The following MICU1 variants were observed in gnomAD, a reference collection of about 807,000 sequenced individuals.
The protein encoded by MICU1 is calcium uptake protein 1, mitochondrial.
In MICU1, 45 loss-of-function variants were observed where a neutral mutation model predicts 56.8. That is an observed-to-expected ratio of 0.79 (90% CI 0.62 to 1.02). MICU1 has a LOEUF of 1.02. Among genes scored for constraint, MICU1 ranks in the 50% least tolerant of loss-of-function variants. MICU1 has a pLI of 0.00. For missense variants in MICU1, 504 were observed against 587.1 expected (o/e 0.86, Z 1.46); for synonymous variants, 186 against 195.1 (o/e 0.95, Z 0.39).
At chr10:72,509,112 G>C (rs1044868732) in intron 5 of MICU1, among the ~76,000 whole-genome samples, 3 of 152,040 alleles carry the variant, frequency 2.0e-5, no homozygotes, top group African/African-American at 4.8e-5. Flanking sequence ...ACTTAGTTGT[G>C]ACATTGAATA....
intron 1 of MICU1, among the ~76,000 whole-genome samples, chr10:72,567,157 T>C (rs926801332): frequency 3.9e-5 from 6 of 151,986 alleles, no homozygotes; most frequent in Admixed American, 3.9e-4. Context: ...AAGAACGGCC[T>C]GGACAACATA....
At chr10:72,590,735 C>A (rs1457080083) in intron 1 of MICU1, among the ~76,000 whole-genome samples, 1 of 151,968 alleles carries the variant, frequency 6.6e-6, no homozygotes, top group Admixed American at 6.6e-5. Flanking sequence ...ATTGCTTGAA[C>A]CCGGGAGGCG....
intron 8 of MICU1, among the ~76,000 whole-genome samples, chr10:72,437,487 T>A (rs1302156063): frequency 6.6e-6 from 1 of 152,162 alleles, no homozygotes; most frequent in Non-Finnish European, 1.5e-5. Context: ...AACTGCATAA[T>A]TTAATAGGCA....
At chr10:72,441,663 C>T (rs1864938792) in intron 8 of MICU1, among the ~76,000 whole-genome samples, 1 of 130,260 alleles carries the variant, frequency 7.7e-6, no homozygotes, top group Non-Finnish European at 1.6e-5. Context: ...GTTGCCCAGG[C>T]TGGAGTGCAG....
intron 10 of MICU1, among the ~76,000 whole-genome samples, chr10:72,398,564 A>G (rs191332782): frequency 3.3e-5 from 5 of 152,318 alleles, no homozygotes; most frequent in Admixed American, 3.3e-4. Flanking sequence ...ATAAAGAAGA[A>G]AAGAGAGAAG....
At chr10:72,458,921 A>C (rs1354033635) in intron 8 of MICU1, among the ~76,000 whole-genome samples, 1 of 134,722 alleles carries the variant, frequency 7.4e-6, no homozygotes, top group Non-Finnish European at 1.6e-5. Flanking sequence ...TAGAGACATT[A>C]TCTTCCTATG....
chr10:72,533,214 T>C, intron 5 of MICU1: 15 of 1,035,740 alleles, frequency 1.4e-5, no homozygotes, highest in Non-Finnish European at 1.8e-5. Context: ...AAACTGAAAG[T>C]CTCATTTTCT....
chr10:72,569,362 G>A (rs1037628450), intron 1 of MICU1, among the ~76,000 whole-genome samples: 1 of 149,668 alleles, frequency 6.7e-6, no homozygotes, highest in Non-Finnish European at 1.5e-5. Context: ...AGCCTCTTGA[G>A]TAGCTGGGAC....
chr10:72,569,055 G>A (rs1840522383), intron 1 of MICU1, among the ~76,000 whole-genome samples: 1 of 149,190 alleles, frequency 6.7e-6, no homozygotes, highest in South Asian at 2.1e-4. Context: ...CGCCTGGCTG[G>A]GAAGTTCTTA....
intron 1 of MICU1, among the ~76,000 whole-genome samples, chr10:72,610,899 T>A (rs532169052): frequency 6.6e-6 from 1 of 152,250 alleles, no homozygotes; most frequent in South Asian, 2.1e-4. Context: ...TCTATTTTAC[T>A]AGCCAAAGGA....
intron 3 of MICU1, 147 bp downstream of exon 3, chr10:72,562,748 T>C (rs1840331564): frequency 1.5e-6 from 1 of 647,344 alleles, no homozygotes; most frequent in Admixed American, 4.1e-5. Context: ...AAGAGTACTT[T>C]TGGCTTAGAA....
intron 1 of MICU1, among the ~76,000 whole-genome samples, chr10:72,598,545 C>T (rs972077384): frequency 1.3e-5 from 2 of 152,004 alleles, no homozygotes; most frequent in African/African-American, 2.4e-5. Flanking sequence ...TGTCAGCCAC[C>T]GTGCCGGGCC....
At chr10:72,567,888 G>A (rs1020747495) in intron 1 of MICU1, among the ~76,000 whole-genome samples, 14 of 152,226 alleles carry the variant, frequency 9.2e-5, no homozygotes, top group Admixed American at 2.6e-4. Context: ...AAAACTTCCA[G>A]TATCACAAAC....
chr10:72,553,544 T>C (rs991664490), intron 3 of MICU1, among the ~76,000 whole-genome samples: 1 of 152,194 alleles, frequency 6.6e-6, no homozygotes, highest in Non-Finnish European at 1.5e-5. Context: ...GAAATACCTT[T>C]CTTTAGGCCA....
intron 1 of MICU1, among the ~76,000 whole-genome samples, chr10:72,612,614 T>G (rs562760335): frequency 6.6e-6 from 1 of 152,032 alleles, no homozygotes; most frequent in Non-Finnish European, 1.5e-5. Flanking sequence ...CTGGGCAAGA[T>G]AGCAAGACCC....
At chr10:72,493,680 C>A (rs1259343852) in intron 6 of MICU1, among the ~76,000 whole-genome samples, 1 of 152,122 alleles carries the variant, frequency 6.6e-6, no homozygotes, top group Non-Finnish European at 1.5e-5. Flanking sequence ...CTTGATTGAA[C>A]TACTGGGCTC....
rs1233173600 is a variant in MICU1 at position 72,368,083 on chromosome 10, CG to C, written c.*111del. The C allele has an allele frequency of 1.5e-5, 18 of 1,178,828 alleles. No individual in the cohort carries two copies. In the African/African-American group the frequency reaches 2.6e-4, roughly 17 times the overall value. The allele number at this position is 1,178,828 out of a possible 1,614,324, so 73.0% of individuals were successfully genotyped here. A position where few individuals can be genotyped will look rare whatever the true frequency, so the allele number is the denominator to read the frequency against. The stretch of plus-strand genomic sequence containing the variant: ...AACCGACAGAGTCCTGAGGTCATCC[CG>C]GGAGGAAGGGGGACTACTTCCAGAA... On this transcript the variant is annotated 3_prime_UTR_variant, in exon 12 of 12. Coordinates refer to ENST00000361114, the MANE Select transcript of MICU1 (RefSeq NM_001195518.2).
At chr10:72,457,478 T>C (rs1203477552) in intron 8 of MICU1, among the ~76,000 whole-genome samples, 1 of 151,492 alleles carries the variant, frequency 6.6e-6, no homozygotes, top group Non-Finnish European at 1.5e-5. Flanking sequence ...CACCCTGGCC[T>C]CCCAAAGTGC....
At chr10:72,514,163 CT>C in intron 5 of MICU1, among the ~76,000 whole-genome samples, 1 of 152,040 alleles carries the variant, frequency 6.6e-6, no homozygotes, top group Non-Finnish European at 1.5e-5. Flanking sequence ...AGCTCTTGTA[CT>C]TTTCAGTTCC....
Sources: allele counts gnomAD v4.1 joint callset (sites outside exome capture counted in the v4.1 genomes callset), GRCh38; gene constraint gnomAD v4.1.1; transcripts MANE v1.5; gene names NCBI Gene and HGNC (gene_info 2026-07-23, HGNC 2026-07-21).